TMEM92: variants seen among roughly 807,000 people sequenced by gnomAD.
TMEM92 encodes transmembrane protein 92.
Under a neutral mutation model 14.6 loss-of-function variants are expected in TMEM92, and 15 were observed. That is an observed-to-expected ratio of 1.03 (90% CI 0.69 to 1.58). The LOEUF (loss-of-function observed/expected upper bound fraction) is 1.58. TMEM92 is among the 40% of genes most tolerant of loss of function. The pLI, the probability that TMEM92 is intolerant of heterozygous loss-of-function variation, is 0.00. For synonymous variants in TMEM92, 85 were observed against 83.3 expected, an observed-to-expected ratio of 1.02 and a Z score of -0.11; for missense variants, 174 against 202.4, an observed-to-expected ratio of 0.86 and a Z score of 0.85.
chr17:50,277,598 C>A, intron 1 of TMEM92, 117 bp from the exon 2 acceptor site: 2 of 1,219,492 alleles, frequency 1.6e-6, no homozygotes, highest in South Asian at 1.3e-5. Context: ...CAGGAAGAGG[C>A]TGAGTCTACT....
At chr17:50,277,584 C>T in intron 1 of TMEM92, 131 bp from the exon 2 acceptor site, 1 of 1,052,164 alleles carries the variant, frequency 9.5e-7, no homozygotes, top group Non-Finnish European at 1.4e-6. Context: ...TGGGGGGTGG[C>T]TTGCAGGAAG....
chr17:50,277,391 AG>A (rs1352293987), intron 1 of TMEM92, among the ~76,000 whole-genome samples: 1 of 151,832 alleles, frequency 6.6e-6, no homozygotes, highest in African/African-American at 2.4e-5. Context: ...AGGTGGGATA[AG>A]GAAAGTCGCT....
chr17:50,273,200 C>G (rs1910308193), upstream of TMEM92, among the ~76,000 whole-genome samples: 2 of 152,184 alleles, frequency 1.3e-5, no homozygotes. Flanking sequence ...TCCATCACCC[C>G]CTCTCCCCCT....
chr17:50,279,467 AC>A lies in TMEM92; in HGVS notation c.*163del. The A allele has an allele frequency of 1.6e-6, 1 of 638,578 alleles. No individual in the cohort carries two copies. Among genetic ancestry groups the A allele is most frequent in the Non-Finnish European group, 2.7e-6 (1 of 368,552 alleles). The allele number at this position is 638,578 out of a possible 1,614,324, so 39.6% of individuals were successfully genotyped here. ...TATTACTTTTTCTGCTTCTGTTTCC[AC>A]CCCAGCTGCCTCTCTTGTCCTGAGG... On this transcript the variant is annotated 3_prime_UTR_variant, in exon 5 of 5. Transcript: ENST00000507382.
intron 2 of TMEM92, 58 bp from the exon 3 acceptor site, chr17:50,278,498 G>T: frequency 6.3e-7 from 1 of 1,595,240 alleles, no homozygotes; most frequent in South Asian, 1.1e-5. Flanking sequence ...GGATCCTTCT[G>T]CCTCTCCATT....
Position 50,280,844 on chromosome 17 carries a change from G to T in TMEM92, c.*1536G>T. The T allele has an allele frequency of 6.6e-6, 1 of 152,448 alleles. No individual in the cohort carries two copies. 9.4% of individuals were successfully genotyped at this position (152,448 alleles called of 1,614,324 possible). On this transcript the variant is annotated 3_prime_UTR_variant, in exon 5 of 5. Coordinates refer to ENST00000507382, the MANE Select transcript of TMEM92 (RefSeq NM_153229.3). ...GCAGTTACTGACAATATAGTGCCAGGGTTGGCCATAGGAGAATGAGCCCAA... is the reference window on the plus strand; with the variant it reads ...GCAGTTACTGACAATATAGTGCCAGTGTTGGCCATAGGAGAATGAGCCCAA...
intron 1 of TMEM92, among the ~76,000 whole-genome samples, chr17:50,275,744 AG>A (rs1283373927): frequency 3.3e-5 from 5 of 152,150 alleles, no homozygotes; most frequent in Admixed American, 6.5e-5. Context: ...GAAAAGGACA[AG>A]GGCCAGAGTG....
At chr17:50,273,413 G>A (rs1033479923), upstream of TMEM92, among the ~76,000 whole-genome samples, 27 of 152,236 alleles carry the variant, frequency 1.8e-4, no homozygotes, top group Non-Finnish European at 1.8e-4. Context: ...CCGCACTGGG[G>A]CGGCCTCCGC....
chr17:50,278,646 G>A lies in TMEM92; in HGVS notation c.170+16G>A. On this transcript the variant is annotated intron_variant, in intron 3 of 4. Coordinates refer to ENST00000507382, the MANE Select transcript of TMEM92 (RefSeq NM_153229.3). ...GCCCCGTGAGGTGAGCCCAGGGCCA[G>A]CTCCTTTGGGTGCAGTCCTTGGAGG... 6.2e-7 allele frequency: 1 copy of A among 1,612,532 alleles called. No homozygotes were observed. Among genetic ancestry groups the A allele is most frequent in the Non-Finnish European group, 8.5e-7 (1 of 1,179,400 alleles).
Position 50,278,872 on chromosome 17 carries a change from G to A in TMEM92, c.242G>A (p.Arg81His), listed in dbSNP as rs373936984. 11 of 1,613,632 alleles carry A rather than the reference G, an allele frequency of 6.8e-6. No individual in the cohort carries two copies. The highest frequency in any genetic ancestry group is 2.7e-5 in the African/African-American group (2 of 74,840). Residue 81 changes from arginine to histidine, a missense_variant, in exon 4 of 5, where the codon CGC becomes CAC. Coordinates refer to ENST00000507382, the MANE Select transcript of TMEM92 (RefSeq NM_153229.3). ...CICGLAKCFCRNCREPEPDSP... is the reference protein window; with the variant it reads ...CICGLAKCFCHNCREPEPDSP... ...TGTGGCCTGGCTAAGTGCTTCTGTC[G>A]CAACTGCAGAGAGCCGGAGCCAGAC...
rs148118932 is a variant in TMEM92 at position 50,280,948 on chromosome 17, G to C, written c.*1640G>C. The C allele has an allele frequency of 1.2e-3, 186 of 151,734 alleles. No homozygotes were observed. The highest frequency in any genetic ancestry group is 2.2e-3 in the Non-Finnish European group (150 of 67,892). 9.4% of individuals were successfully genotyped at this position (151,734 alleles called of 1,614,324 possible). A position where few individuals can be genotyped will look rare whatever the true frequency, so the allele number is the denominator to read the frequency against. ...ACATGTGGGTTCTTTGTGTAGATGT[G>C]GCTAGTTCCAATTAGAGAAGTCCTG... On this transcript the variant is annotated 3_prime_UTR_variant, in exon 5 of 5. Coordinates refer to ENST00000507382, the MANE Select transcript of TMEM92 (RefSeq NM_153229.3).
At chr17:50,276,908 T>C (rs1214020665) in intron 1 of TMEM92, among the ~76,000 whole-genome samples, 1 of 152,020 alleles carries the variant, frequency 6.6e-6, no homozygotes, top group Non-Finnish European at 1.5e-5. Context: ...AAAAGGGTGG[T>C]TGTAATTTTG....
At chr17:50,274,388 T>C, upstream of TMEM92, 5 of 1,066,324 alleles carry the variant, frequency 4.7e-6, no homozygotes, top group Non-Finnish European at 7.1e-6. Flanking sequence ...AGTCCGCCTC[T>C]CCCGGTGCAG....
chr17:50,277,495 TGA>T (rs2143049744), intron 1 of TMEM92, among the ~76,000 whole-genome samples: 1 of 151,412 alleles, frequency 6.6e-6, no homozygotes, highest in East Asian at 2.0e-4. Flanking sequence ...TGGAATGTGC[TGA>T]GAGAGGAAGG....
At chr17:50,274,756 G>T in intron 1 of TMEM92, 186 bp downstream of exon 1, 1 of 617,862 alleles carries the variant, frequency 1.6e-6, no homozygotes, top group Non-Finnish European at 2.8e-6. Flanking sequence ...CTCTGGGAGA[G>T]GCTGGGTTCT....
chr17:50,274,803 C>T (rs777974775), intron 1 of TMEM92: 143 of 558,116 alleles, frequency 2.6e-4, no homozygotes, highest in Non-Finnish European at 4.2e-4. Flanking sequence ...GGGAAGTGGC[C>T]ACCACCCACC....
rs1910375301 is a variant in TMEM92, at chr17:50,274,859, C to T, written c.69+289C>T. On this transcript the variant is annotated intron_variant, in intron 1 of 4. Coordinates refer to ENST00000507382, the MANE Select transcript of TMEM92 (RefSeq NM_153229.3). The stretch of plus-strand genomic sequence containing the variant: ...CGTCTCTGTGAATAGGGACTTTGGA[C>T]CCCTTATTAGCCTCAGCTTATCCTT... 6.4e-6 allele frequency: 3 copies of T among 466,154 alleles called. No homozygotes were observed. In the Admixed American group the frequency reaches 1.2e-4, roughly 19 times the overall value. 28.9% of individuals were successfully genotyped at this position (466,154 alleles called of 1,614,324 possible). A position where few individuals can be genotyped will look rare whatever the true frequency, so the allele number is the denominator to read the frequency against.
At chr17:50,278,751 C>G (rs757283969) in intron 3 of TMEM92, 50 bp from the exon 4 acceptor site, 4 of 1,577,000 alleles carry the variant, frequency 2.5e-6, no homozygotes, top group South Asian at 2.3e-5. Flanking sequence ...TGTAGGGAGT[C>G]CCCAGGGTGG....
chr17:50,272,872 G>A (rs1316317175), upstream of TMEM92, among the ~76,000 whole-genome samples: 1 of 151,962 alleles, frequency 6.6e-6, no homozygotes, highest in Admixed American at 6.6e-5. Context: ...AGAAACAGAC[G>A]GGAGAACAGA....
Sources: allele counts gnomAD v4.1 joint callset (sites outside exome capture counted in the v4.1 genomes callset), GRCh38; gene constraint gnomAD v4.1.1; transcripts MANE v1.5; gene names NCBI Gene and HGNC (gene_info 2026-07-23, HGNC 2026-07-21).